PCDHA8: variants seen among roughly 807,000 people sequenced by gnomAD.
The protein encoded by PCDHA8 is protocadherin alpha 8, also known as protocadherin alpha-8.
A neutral mutation model predicts 61.8 loss-of-function variants in PCDHA8; 53 were observed. The observed-to-expected ratio is 0.86, with a 90% CI of 0.69 to 1.08. PCDHA8 has a LOEUF of 1.08. PCDHA8 is among the 50% of genes least tolerant of loss of function. PCDHA8 has a pLI of 0.00. For missense variants in PCDHA8, 1,293 were observed against 1,245.0 expected, an observed-to-expected ratio of 1.04 and a Z score of -0.58; for synonymous variants, 618 against 556.6, an observed-to-expected ratio of 1.11 and a Z score of -1.55.
intron 1 of PCDHA8, among the ~76,000 whole-genome samples, chr5:140,921,661 A>C (rs1554200347): frequency 1.3e-5 from 2 of 152,226 alleles, no homozygotes; most frequent in African/African-American, 4.8e-5. Context: ...CTTAATAAAA[A>C]TTTAACAGTT....
intron 1 of PCDHA8, among the ~76,000 whole-genome samples, chr5:140,913,844 A>G (rs1554196074): frequency 1.3e-5 from 2 of 152,194 alleles, no homozygotes; most frequent in African/African-American, 2.4e-5. Flanking sequence ...CCCACTGGTC[A>G]TTCAGGAGCA....
At chr5:140,884,523 A>T (rs1393275293) in intron 1 of PCDHA8, 1 of 1,614,030 alleles carries the variant, frequency 6.2e-7, no homozygotes, top group Non-Finnish European at 8.5e-7. Flanking sequence ...TCGTACTCGC[A>T]GCAGAGGCGG....
At chr5:140,929,189 A>G (rs782622519) in intron 1 of PCDHA8, 62 of 1,614,180 alleles carry the variant, frequency 3.8e-5, no homozygotes, top group Non-Finnish European at 4.7e-5. Flanking sequence ...GGTTCTGATA[A>G]TAACAGTTTG....
intron 1 of PCDHA8, among the ~76,000 whole-genome samples, chr5:140,947,169 G>GTA (rs1235035694): frequency 1.3e-5 from 2 of 150,968 alleles, no homozygotes; most frequent in Non-Finnish European, 3.0e-5. Context: ...AGAAAATGTG[G>GTA]TATATATTCA....
At chr5:140,911,818 A>T (rs1472874528) in intron 1 of PCDHA8, among the ~76,000 whole-genome samples, 2 of 152,210 alleles carry the variant, frequency 1.3e-5, no homozygotes, top group African/African-American at 2.4e-5. Flanking sequence ...CCTTCTCCAG[A>T]AACCCCAAAA....
At chr5:140,960,836 AG>A (rs551951864) in intron 1 of PCDHA8, among the ~76,000 whole-genome samples, 345 of 152,342 alleles carry the variant, frequency 2.3e-3, no homozygotes, top group African/African-American at 7.6e-3. Flanking sequence ...AACTTGGAAC[AG>A]GTTTAATGGC....
chr5:140,989,653 T>A (rs1308581336), intron 3 of PCDHA8, among the ~76,000 whole-genome samples: 2 of 152,194 alleles, frequency 1.3e-5, no homozygotes, highest in African/African-American at 4.8e-5. Context: ...ATGGCAATAT[T>A]TTAAAAGAAA....
chr5:140,850,792 A>C (rs1280178447), intron 1 of PCDHA8: 1 of 1,598,354 alleles, frequency 6.3e-7, no homozygotes, highest in African/African-American at 1.3e-5. Flanking sequence ...GGTAAGCAGA[A>C]GACCGACCTC....
intron 1 of PCDHA8, chr5:140,863,344 T>C (rs1554158123): frequency 1.5e-6 from 2 of 1,323,546 alleles, no homozygotes; most frequent in Admixed American, 1.8e-5. Context: ...GTTGCTGCTG[T>C]ACACGACGCT....
At chr5:140,938,415 T>A (rs1034279514) in intron 1 of PCDHA8, among the ~76,000 whole-genome samples, 6 of 152,190 alleles carry the variant, frequency 3.9e-5, no homozygotes, top group African/African-American at 1.4e-4. Context: ...TTGGGTTTAT[T>A]TGCAAAAATC....
At chr5:140,875,691 C>A (rs1554167867) in intron 1 of PCDHA8, 2 of 1,614,036 alleles carry the variant, frequency 1.2e-6, no homozygotes, top group South Asian at 1.1e-5. Flanking sequence ...GACACGGGGA[C>A]CTTCTGGAGG....
At chr5:140,867,315 G>A (rs2049883099) in intron 1 of PCDHA8, 1 of 151,948 alleles carries the variant, frequency 6.6e-6, no homozygotes. Flanking sequence ...CTGTCATCTG[G>A]TCTAATGTTA....
At chr5:140,940,965 A>G (rs2092710706) in intron 1 of PCDHA8, among the ~76,000 whole-genome samples, 1 of 152,226 alleles carries the variant, frequency 6.6e-6, no homozygotes, top group Admixed American at 6.5e-5. Context: ...AATATGCAGG[A>G]TATCTGGTAT....
chr5:140,943,616 C>T (rs1221074220), intron 1 of PCDHA8, among the ~76,000 whole-genome samples: 3 of 152,048 alleles, frequency 2.0e-5, no homozygotes, highest in African/African-American at 7.3e-5. Context: ...TTTGATTCAT[C>T]TGCATAAGGA....
At chr5:140,882,646 T>C (rs1554175002) in intron 1 of PCDHA8, 1 of 1,614,112 alleles carries the variant, frequency 6.2e-7, no homozygotes, top group South Asian at 1.1e-5. Flanking sequence ...TGAGGGACAT[T>C]AACGACAACC....
rs2150499479 is a variant in PCDHA8 at position 140,850,817 on chromosome 5, G to C, written c.2394+7102G>C. ...AGACCGACCTCATGGCCTTCAGCCC[G>C]GGCCTTTCTCCTTGTGCTGGATCTA... On this transcript the variant is annotated intron_variant, in intron 1 of 3. Transcript: ENST00000531613. 44 of 1,598,178 alleles carry C rather than the reference G, an allele frequency of 2.8e-5. 6 individuals carry two copies. The highest frequency in any genetic ancestry group is 1.7e-4 in the South Asian group (15 of 90,550).
intron 1 of PCDHA8, chr5:140,969,438 C>G: frequency 6.5e-7 from 1 of 1,546,540 alleles, no homozygotes; most frequent in African/African-American, 1.4e-5. Flanking sequence ...CAAGAGTTAT[C>G]TGGTAAACTG....
At chr5:141,004,168 C>T (rs2098156227) in intron 3 of PCDHA8, among the ~76,000 whole-genome samples, 1 of 152,226 alleles carries the variant, frequency 6.6e-6, no homozygotes, top group Admixed American at 6.5e-5. Context: ...GCAAAGCCAG[C>T]CAAGTGTCTT....
At chr5:140,953,810 C>T (rs918101590) in intron 1 of PCDHA8, among the ~76,000 whole-genome samples, 5 of 152,190 alleles carry the variant, frequency 3.3e-5, no homozygotes, top group South Asian at 2.1e-4. Context: ...TTCTGAGGTG[C>T]ATGTGCTAGT....
Sources: allele counts gnomAD v4.1 joint callset (sites outside exome capture counted in the v4.1 genomes callset), GRCh38; gene constraint gnomAD v4.1.1; transcripts MANE v1.5; gene names NCBI Gene and HGNC (gene_info 2026-07-23, HGNC 2026-07-21).